BACH2: variants seen among roughly 807,000 people sequenced by gnomAD.
BACH2 encodes the protein BACH transcriptional regulator 2, also known as transcription regulator protein BACH2.
A neutral mutation model predicts 61.8 loss-of-function variants in BACH2; 5 were observed. That is an observed-to-expected ratio of 0.08 (90% CI 0.04 to 0.17). The LOEUF (loss-of-function observed/expected upper bound fraction) is 0.17, where lower values mean the gene tolerates loss of function less well. BACH2 is among the 10% of genes least tolerant of loss of function. The pLI is 1.00. For synonymous variants in BACH2, 446 were observed against 440.1 expected, an observed-to-expected ratio of 1.01 and a Z score of -0.17; for missense variants, 824 against 1,091.1, an observed-to-expected ratio of 0.76 and a Z score of 3.45.
chr6:89,973,005 G>A (rs1419368904), intron 6 of BACH2, among the ~76,000 whole-genome samples: 1 of 152,188 alleles, frequency 6.6e-6, no homozygotes, highest in African/African-American at 2.4e-5. Context: ...CAGGAGAATC[G>A]CTTGAAACCG....
chr6:90,274,730 C>T (rs1310553199), intron 1 of BACH2, among the ~76,000 whole-genome samples: 2 of 152,158 alleles, frequency 1.3e-5, no homozygotes, highest in South Asian at 2.1e-4. Context: ...ATCTTTAACT[C>T]GTGATGAGTA....
At chr6:90,034,897 A>G (rs1387661442) in intron 5 of BACH2, among the ~76,000 whole-genome samples, 1 of 152,160 alleles carries the variant, frequency 6.6e-6, no homozygotes. Context: ...AACTAGTCCT[A>G]CTACACACAT....
intron 5 of BACH2, among the ~76,000 whole-genome samples, chr6:90,049,930 A>AG (rs1471181957): frequency 4.1e-4 from 63 of 152,324 alleles, no homozygotes; most frequent in African/African-American, 1.5e-3. Context: ...TGACAAACTA[A>AG]GGTTACTCAG....
intron 4 of BACH2, among the ~76,000 whole-genome samples, chr6:90,094,324 T>A (rs1782295146): frequency 6.6e-6 from 1 of 152,210 alleles, no homozygotes; most frequent in South Asian, 2.1e-4. Flanking sequence ...GTGGCTTTAA[T>A]GGGATTTGAT....
chr6:90,008,759 T>C lies in BACH2; in HGVS notation c.86A>G (p.Asp29Gly). 1.2e-6 allele frequency: 2 copies of C among 1,614,154 alleles called. No individual in the cohort carries two copies. Among genetic ancestry groups the C allele is most frequent in the Non-Finnish European group, 1.7e-6 (2 of 1,180,034 alleles). ...HCTNILLGLN[D>G]QRKKDILCDV... ...ACAGAGAATATCCTTTTTCCGCTGGTCATTGAGGCCCAGGAGGATGTTGGT... is the reference window on the plus strand; with the variant it reads ...ACAGAGAATATCCTTTTTCCGCTGGCCATTGAGGCCCAGGAGGATGTTGGT... Residue 29 changes from aspartate (D) to glycine (G), a missense_variant, in exon 6 of 9, where the codon GAC becomes GGC. Transcript: ENST00000257749. This position sits in a 1 kb window ranked among gnomAD's most constrained non-coding sequence, Gnocchi z 4.1.
intron 6 of BACH2, among the ~76,000 whole-genome samples, chr6:89,971,531 A>G (rs1775357834): frequency 6.6e-6 from 1 of 152,194 alleles, no homozygotes; most frequent in African/African-American, 2.4e-5. Context: ...CACAGCCATG[A>G]TAAGAACTGT....
chr6:90,030,732 A>G (rs937548681), intron 5 of BACH2, among the ~76,000 whole-genome samples: 55 of 151,998 alleles, frequency 3.6e-4, no homozygotes, highest in Non-Finnish European at 7.5e-4. Flanking sequence ...AACCAAAAAA[A>G]GTCCAGGACC....
intron 2 of BACH2, among the ~76,000 whole-genome samples, chr6:90,253,134 C>G (rs960467932): frequency 2.0e-5 from 3 of 152,114 alleles, no homozygotes; most frequent in African/African-American, 7.2e-5. Context: ...GACCCAGCTA[C>G]TTGGGAGGCT....
At chr6:89,957,393 TTTTTA>T (rs1414190574) in intron 6 of BACH2, among the ~76,000 whole-genome samples, 6 of 152,234 alleles carry the variant, frequency 3.9e-5, no homozygotes, top group African/African-American at 1.4e-4. Context: ...TTAGTATTAA[TTTTTA>T]TTTTATCTAT....
At chr6:90,048,587 T>C (rs1779897384) in intron 5 of BACH2, among the ~76,000 whole-genome samples, 1 of 152,230 alleles carries the variant, frequency 6.6e-6, no homozygotes, top group South Asian at 2.1e-4. Context: ...TAATGGTTTC[T>C]TGGGAATTGA....
At chr6:89,988,944 A>G (rs1776388224) in intron 6 of BACH2, among the ~76,000 whole-genome samples, 1 of 152,188 alleles carries the variant, frequency 6.6e-6, no homozygotes, top group South Asian at 2.1e-4. Context: ...CAGGTCTGCA[A>G]CCTTGATTTA....
intron 5 of BACH2, among the ~76,000 whole-genome samples, chr6:90,016,222 C>T (rs1484135605): frequency 1.3e-5 from 2 of 151,986 alleles, no homozygotes; most frequent in Non-Finnish European, 1.5e-5. Context: ...AATCTGAAAA[C>T]GTCTGAGTTT....
intron 8 of BACH2, among the ~76,000 whole-genome samples, chr6:89,934,126 G>T (rs1772861256): frequency 6.6e-6 from 1 of 152,224 alleles, no homozygotes; most frequent in African/African-American, 2.4e-5. Flanking sequence ...AGACTGAACA[G>T]GAGGGACCCT....
chr6:89,946,548 A>T (rs1773731433), intron 7 of BACH2, among the ~76,000 whole-genome samples: 1 of 152,254 alleles, frequency 6.6e-6, no homozygotes, highest in Admixed American at 6.5e-5. Context: ...AACTGAAAAC[A>T]ACTGAAATGT....
chr6:90,076,896 A>C (rs1463292467), intron 5 of BACH2, among the ~76,000 whole-genome samples: 1 of 152,182 alleles, frequency 6.6e-6, no homozygotes, highest in South Asian at 2.1e-4. Context: ...TCCAAATGTC[A>C]ATCTTGTTGA....
chr6:89,971,168 G>A (rs1775337871), intron 6 of BACH2, among the ~76,000 whole-genome samples: 1 of 152,158 alleles, frequency 6.6e-6, no homozygotes, highest in East Asian at 1.9e-4. Context: ...TTGCCACACA[G>A]TAACATGGGA....
intron 4 of BACH2, among the ~76,000 whole-genome samples, chr6:90,127,579 G>A (rs1783909217): frequency 6.6e-6 from 1 of 152,266 alleles, no homozygotes; most frequent in South Asian, 2.1e-4. Flanking sequence ...TTGGGAGGCT[G>A]GGAAGATGTG....
At chr6:89,948,195 A>G (rs1773860265) in intron 7 of BACH2, among the ~76,000 whole-genome samples, 1 of 151,914 alleles carries the variant, frequency 6.6e-6, no homozygotes, top group African/African-American at 2.4e-5. Context: ...CCCTCCCTTG[A>G]GCTTAATGGC....
chr6:90,123,080 G>C (rs761954881), intron 4 of BACH2, among the ~76,000 whole-genome samples: 1 of 152,148 alleles, frequency 6.6e-6, no homozygotes, highest in Non-Finnish European at 1.5e-5. Flanking sequence ...GTTGGAAAAG[G>C]ACCTTCGCAG....
Sources: allele counts gnomAD v4.1 joint callset (sites outside exome capture counted in the v4.1 genomes callset), GRCh38; gene constraint gnomAD v4.1.1; non-coding constraint Gnocchi (gnomAD v3.1); transcripts MANE v1.5; gene names NCBI Gene and HGNC (gene_info 2026-07-23, HGNC 2026-07-21).